Variants in WDFY2 observed in about 807,000 individuals in gnomAD.
WDFY2 encodes the protein WD repeat and FYVE domain-containing protein 2.
A neutral mutation model predicts 56.4 loss-of-function variants in WDFY2; 36 were observed. That is an observed-to-expected ratio of 0.64 (90% CI 0.49 to 0.84). The LOEUF is 0.84. WDFY2 is among the 40% of genes least tolerant of loss of function. The probability of loss-of-function intolerance (pLI) is 0.00; values close to 1 mark genes in which losing one functional copy is unlikely to be tolerated. For missense variants in WDFY2, 444 were observed against 512.2 expected (o/e 0.87, Z 1.29); for synonymous variants, 176 against 183.7 (o/e 0.96, Z 0.34).
At chr13:51,629,763 TG>T (rs1954914171) in intron 1 of WDFY2, among the ~76,000 whole-genome samples, 1 of 151,898 alleles carries the variant, frequency 6.6e-6, no homozygotes, top group Non-Finnish European at 1.5e-5. Flanking sequence ...TGAGGCTTTT[TG>T]TTTTCTTCAG....
intron 2 of WDFY2, among the ~76,000 whole-genome samples, chr13:51,665,440 A>G (rs1955682818): frequency 6.6e-6 from 1 of 152,198 alleles, no homozygotes; most frequent in East Asian, 1.9e-4. Flanking sequence ...AATTTCAACC[A>G]CCACAGTTGG....
intron 2 of WDFY2, among the ~76,000 whole-genome samples, chr13:51,670,296 T>A (rs1955783010): frequency 6.6e-6 from 1 of 152,168 alleles, no homozygotes; most frequent in Admixed American, 6.5e-5. Context: ...TGTGTCAATC[T>A]GTTTACTCCT....
At chr13:51,643,420 G>T (rs1366470417) in intron 1 of WDFY2, among the ~76,000 whole-genome samples, 2 of 152,216 alleles carry the variant, frequency 1.3e-5, no homozygotes, top group African/African-American at 4.8e-5. Flanking sequence ...ACTGTAACTG[G>T]CTGGAGGAAT....
At chr13:51,691,656 C>T (rs1466735194) in intron 3 of WDFY2, among the ~76,000 whole-genome samples, 1 of 151,922 alleles carries the variant, frequency 6.6e-6, no homozygotes, top group African/African-American at 2.4e-5. Flanking sequence ...GTTCTTTTGG[C>T]TTAGGATTGA....
At chr13:51,631,478 G>T (rs191227266) in intron 1 of WDFY2, among the ~76,000 whole-genome samples, 2 of 152,068 alleles carry the variant, frequency 1.3e-5, no homozygotes, top group African/African-American at 4.8e-5. Context: ...CTTCTTGTGG[G>T]TAATTAAAAT....
At chr13:51,650,529 A>G (rs1955356305) in intron 1 of WDFY2, among the ~76,000 whole-genome samples, 2 of 152,174 alleles carry the variant, frequency 1.3e-5, no homozygotes, top group African/African-American at 2.4e-5. Flanking sequence ...TTGCCCATTC[A>G]GTATGATATT....
At chr13:51,664,204 C>T (rs142353547) in intron 2 of WDFY2, among the ~76,000 whole-genome samples, 2 of 152,190 alleles carry the variant, frequency 1.3e-5, no homozygotes, top group African/African-American at 2.4e-5. Flanking sequence ...GCATCATGGT[C>T]GAAAACACAA....
At chr13:51,692,677 T>C (rs1453707145) in intron 3 of WDFY2, among the ~76,000 whole-genome samples, 2 of 152,162 alleles carry the variant, frequency 1.3e-5, no homozygotes, top group African/African-American at 4.8e-5. Flanking sequence ...TATCTCTGCC[T>C]GGCTTTGGTA....
intron 1 of WDFY2, chr13:51,598,648 C>T (rs987282455): frequency 1.3e-5 from 2 of 152,094 alleles, no homozygotes; most frequent in South Asian, 2.1e-4. Context: ...TATGTGTACT[C>T]GGAAATGGGT....
intron 4 of WDFY2, among the ~76,000 whole-genome samples, chr13:51,710,643 AACAG>A (rs1460043276): frequency 6.6e-6 from 1 of 152,224 alleles, no homozygotes; most frequent in Non-Finnish European, 1.5e-5. Context: ...ATACACCAAT[AACAG>A]ACAAACAGAG....
At chr13:51,660,745 A>C in intron 2 of WDFY2, 82 bp downstream of exon 2, 1 of 1,225,452 alleles carries the variant, frequency 8.2e-7, no homozygotes, top group Non-Finnish European at 1.2e-6. Context: ...TTAAGTAGAG[A>C]AGACTGAGGT....
Position 51,608,778 on chromosome 13 carries a change from A to G in WDFY2, c.137+23954A>G, listed in dbSNP as rs190368692. ...GCATATTTTGTTCTTCAACTTGCTT[A>G]TTTAATTAAATATATTTTTGAACAT... On this transcript the variant is annotated intron_variant, in intron 1 of 11. Transcript: ENST00000298125. Among the ~76,000 whole-genome samples, 54 of 152,334 alleles carry G rather than the reference A, an allele frequency of 3.5e-4. 1 individual carries two copies. The highest frequency in any genetic ancestry group is 3.5e-3 in the Admixed American group (54 of 15,302).
chr13:51,605,847 A>C (rs1225499012), intron 1 of WDFY2, among the ~76,000 whole-genome samples: 1 of 152,226 alleles, frequency 6.6e-6, no homozygotes, highest in African/African-American at 2.4e-5. Flanking sequence ...CACATGCCTT[A>C]TAGGAAATGG....
At chr13:51,757,345 T>G (rs1210669900) in intron 10 of WDFY2, among the ~76,000 whole-genome samples, 3 of 152,190 alleles carry the variant, frequency 2.0e-5, no homozygotes, top group Non-Finnish European at 4.4e-5. Flanking sequence ...GCTAAAGACA[T>G]AGACTTTAAG....
chr13:51,666,628 G>A (rs890965873), intron 2 of WDFY2, among the ~76,000 whole-genome samples: 4 of 152,032 alleles, frequency 2.6e-5, no homozygotes, highest in Admixed American at 2.0e-4. Flanking sequence ...CCTAGGACCT[G>A]GTACTTTGTC....
chr13:51,756,198 G>A (rs1323323995), intron 9 of WDFY2, 134 bp from the exon 10 acceptor site: 2 of 1,316,364 alleles, frequency 1.5e-6, no homozygotes, highest in African/African-American at 1.5e-5. Context: ...GTTCCCTTTA[G>A]TTCTGGGGCT....
rs56054205 is a variant in WDFY2, at chr13:51,707,939, C to CTTTTTTTTTTTT, written c.334+4310_334+4321dup. 1.1e-3 allele frequency among the ~76,000 whole-genome samples: 62 copies of CTTTTTTTTTTTT among 57,560 alleles called. 7 individuals carry two copies. Among genetic ancestry groups the CTTTTTTTTTTTT allele is most frequent in the African/African-American group, 1.4e-3 (19 of 13,976 alleles). 37.8% of individuals were successfully genotyped at this position (57,560 alleles called of 152,430 possible). A position where few individuals can be genotyped will look rare whatever the true frequency, so the allele number is the denominator to read the frequency against. Reference sequence around the variant, plus strand: ...ATATATACTATTAACCCTAAAACAACTTTTTTTTTTTTTTTTTTTTTTTTT... The same window carrying CTTTTTTTTTTTT: ...ATATATACTATTAACCCTAAAACAACTTTTTTTTTTTTTTTTTTTTTTTTTTTTTTTTTTTTT... On this transcript the variant is annotated intron_variant, in intron 4 of 11. Transcript: ENST00000298125.
intron 3 of WDFY2, among the ~76,000 whole-genome samples, chr13:51,687,607 AC>A (rs1956082112): frequency 6.6e-6 from 1 of 151,396 alleles, no homozygotes; most frequent in Admixed American, 6.6e-5. Flanking sequence ...GAAAATCCTG[AC>A]TTGAGCTAAA....
intron 1 of WDFY2, among the ~76,000 whole-genome samples, chr13:51,593,661 T>C (rs1157825477): frequency 6.6e-6 from 1 of 152,198 alleles, no homozygotes; most frequent in Non-Finnish European, 1.5e-5. Flanking sequence ...AATATTTTTC[T>C]GTTCGTTTAT....
Sources: allele counts gnomAD v4.1 joint callset (sites outside exome capture counted in the v4.1 genomes callset), GRCh38; gene constraint gnomAD v4.1.1; transcripts MANE v1.5; gene names NCBI Gene and HGNC (gene_info 2026-07-23, HGNC 2026-07-21).